Variants in PPP1R36 observed in about 807,000 individuals in gnomAD.
The protein encoded by PPP1R36 is chromosome 14 open reading frame 50.
In PPP1R36, 47 loss-of-function variants were observed where a neutral mutation model predicts 53.4. The observed-to-expected ratio is 0.88, with a 90% CI of 0.70 to 1.12. PPP1R36 has a LOEUF of 1.12. Among genes scored for constraint, PPP1R36 ranks in the 50% most tolerant of loss-of-function variants. The pLI is 0.00. For missense variants in PPP1R36, 456 were observed against 513.9 expected (o/e 0.89, Z 1.09); for synonymous variants, 153 against 170.5 (o/e 0.90, Z 0.80).
At chr14:64,579,450 G>A (rs867267244) in intron 8 of PPP1R36, among the ~76,000 whole-genome samples, 2 of 152,108 alleles carry the variant, frequency 1.3e-5, no homozygotes, top group Non-Finnish European at 2.9e-5. Flanking sequence ...GCTTTTACAG[G>A]TGTTTAGGGC....
intron 8 of PPP1R36, among the ~76,000 whole-genome samples, chr14:64,583,738 C>T (rs1294740564): frequency 2.9e-5 from 4 of 139,384 alleles, no homozygotes; most frequent in Admixed American, 2.3e-4. Flanking sequence ...CGTTTGAACC[C>T]GGGAGGCAGA....
At chr14:64,550,283 G>T (rs1333188080) in intron 1 of PPP1R36, 1 of 1,363,996 alleles carries the variant, frequency 7.3e-7, no homozygotes, top group African/African-American at 1.5e-5. Context: ...GGCTCCCTGC[G>T]CAGGTAGTTA....
At chr14:64,570,768 A>G (rs1005785896) in intron 7 of PPP1R36, among the ~76,000 whole-genome samples, 2 of 152,242 alleles carry the variant, frequency 1.3e-5, no homozygotes, top group African/African-American at 4.8e-5. Context: ...GTGAGAGGAA[A>G]GCAGAAAAGG....
chr14:64,557,324 A>C (rs2080163670), intron 3 of PPP1R36, among the ~76,000 whole-genome samples: 1 of 152,184 alleles, frequency 6.6e-6, no homozygotes, highest in South Asian at 2.1e-4. Flanking sequence ...TAAATATTTC[A>C]GTATGTATCT....
chr14:64,587,167 G>A (rs1043837202), intron 9 of PPP1R36, 27 bp from the exon 10 acceptor site: 8 of 1,564,816 alleles, frequency 5.1e-6, no homozygotes, highest in African/African-American at 1.4e-5. Context: ...GCTAAGGATC[G>A]TGATTCTTGT....
At chr14:64,579,015 C>T (rs956565796) in intron 8 of PPP1R36, among the ~76,000 whole-genome samples, 10 of 152,214 alleles carry the variant, frequency 6.6e-5, no homozygotes, top group Non-Finnish European at 1.3e-4. Context: ...GAGCAGAAAA[C>T]GAAATACTGC....
chr14:64,562,547 A>C (rs1036820441), intron 3 of PPP1R36, among the ~76,000 whole-genome samples: 1 of 152,132 alleles, frequency 6.6e-6, no homozygotes, highest in East Asian at 1.9e-4. Context: ...ATGGCAGAGC[A>C]CTCACTCACA....
At position 64,564,783 on chromosome 14, in the gene PPP1R36, G is replaced by C; in HGVS notation, c.215G>C (p.Gly72Ala). ...FTPAAEVKEK[G>A]KKGKAVHFAE... ...CCTGCAGCAGAAGTCAAGGAAAAAG[G>C]AAAGAAAGGCAAAGCAGTTCACTTT... The change falls in exon 4 of 12, where the codon GGA (glycine) becomes GCA (alanine). Residue 72 changes from glycine to alanine, a missense_variant. Gly to Ala is a moderately conservative substitution (Grantham distance 60). Coordinates refer to ENST00000298705, the MANE Select transcript of PPP1R36 (RefSeq NM_172365.3). The C allele has an allele frequency of 1.2e-6, 2 of 1,610,668 alleles. No individual in the cohort carries two copies. The highest frequency in any genetic ancestry group is 1.7e-6 in the Non-Finnish European group (2 of 1,178,894).
intron 7 of PPP1R36, among the ~76,000 whole-genome samples, chr14:64,571,669 A>AT (rs1371774764): frequency 2.0e-5 from 3 of 152,162 alleles, no homozygotes; most frequent in African/African-American, 7.2e-5. Flanking sequence ...ACCTGACCGT[A>AT]TTGCTGCTCC....
At chr14:64,574,683 T>C in intron 8 of PPP1R36, 94 bp downstream of exon 8, 2 of 1,364,352 alleles carry the variant, frequency 1.5e-6, no homozygotes, top group Non-Finnish European at 2.0e-6. Context: ...CTTGAGAAAA[T>C]GTTCCTTTTT....
chr14:64,587,944 A>G (rs547442870), intron 10 of PPP1R36, among the ~76,000 whole-genome samples, 160 bp from the exon 11 acceptor site: 4 of 151,980 alleles, frequency 2.6e-5, no homozygotes, highest in South Asian at 2.1e-4. Context: ...GGGTCTTGCT[A>G]TGTTGCCCAG....
chr14:64,588,285 C>A lies in PPP1R36; in HGVS notation c.1072C>A (p.Pro358Thr), dbSNP rs753137911. 6.2e-7 allele frequency: 1 copy of A among 1,605,924 alleles called. No homozygotes were observed. The highest frequency in any genetic ancestry group is 8.5e-7 in the Non-Finnish European group (1 of 1,174,558). Residue 358 changes from proline to threonine, a missense_variant, in exon 11 of 12, where the codon CCC becomes ACC. Coordinates refer to ENST00000298705, the MANE Select transcript of PPP1R36 (RefSeq NM_172365.3). ...QKHVGTLDSV[P>T]MPVVGILGEP... ...GCATGTGGGAACTCTGGACTCTGTG[C>A]CCATGCCGGTGTAAGTGGCTTGGCA...
intron 6 of PPP1R36, among the ~76,000 whole-genome samples, chr14:64,567,662 C>CT (rs781134119): frequency 7.3e-5 from 11 of 151,218 alleles, no homozygotes; most frequent in Admixed American, 2.0e-4. Context: ...ATACCAAACT[C>CT]TTTTTTTTTC....
chr14:64,583,950 G>A (rs1596748536), intron 8 of PPP1R36, among the ~76,000 whole-genome samples: 1 of 147,418 alleles, frequency 6.8e-6, no homozygotes, highest in African/African-American at 2.5e-5. Context: ...GCCCAGGCTG[G>A]AGTGCAGTGA....
Position 64,565,429 on chromosome 14 carries a change from C to A in PPP1R36, c.342C>A (p.Gly114=). ...AKAVEKRGQQ[G]TITLDDVKFV... ...CTGTAGAGAAACGAGGTCAACAGGG[C>A]ACCATTACACTGGATGATGTTAAAT... Residue 114 remains glycine (G), a synonymous_variant, in exon 5 of 12, where the codon GGC becomes GGA. Coordinates refer to ENST00000298705, the MANE Select transcript of PPP1R36 (RefSeq NM_172365.3). The A allele has an allele frequency of 6.2e-7, 1 of 1,612,402 alleles. No homozygotes were observed. The highest frequency in any genetic ancestry group is 1.7e-5 in the Admixed American group (1 of 60,008).
chr14:64,563,158 G>A (rs1347269563), intron 3 of PPP1R36, among the ~76,000 whole-genome samples: 2 of 152,088 alleles, frequency 1.3e-5, no homozygotes, highest in African/African-American at 4.8e-5. Context: ...GAGCCACCGT[G>A]CCCGGCCTCA....
At chr14:64,571,745 T>C (rs1230018724) in intron 7 of PPP1R36, among the ~76,000 whole-genome samples, 3 of 152,162 alleles carry the variant, frequency 2.0e-5, no homozygotes, top group Non-Finnish European at 4.4e-5. Flanking sequence ...GGGTAATTTA[T>C]AAAGGAAAGA....
chr14:64,573,580 T>A (rs879315542), intron 7 of PPP1R36, among the ~76,000 whole-genome samples: 37 of 152,080 alleles, frequency 2.4e-4, no homozygotes, highest in Non-Finnish European at 5.1e-4. Flanking sequence ...TAGGACTACC[T>A]GCATATAAAA....
In PPP1R36 at chr14:64,581,395, G is replaced by A. The variant is rs1467973104; in HGVS notation, c.669-5442G>A. 2.0e-5 allele frequency among the ~76,000 whole-genome samples: 3 copies of A among 152,206 alleles called. No individual in the cohort carries two copies. The East Asian group carries it at 5.8e-4, about 29-fold the overall frequency. ...CCCCTTATCTGAGGTCTACATGCCA[G>A]TGGACCCATTTGGTGGGGGTCTGAG... is the stretch of plus-strand genomic sequence containing the variant. On this transcript the variant is annotated intron_variant, in intron 8 of 11. Transcript: ENST00000298705.
Sources: allele counts gnomAD v4.1 joint callset (sites outside exome capture counted in the v4.1 genomes callset), GRCh38; gene constraint gnomAD v4.1.1; transcripts MANE v1.5; gene names NCBI Gene and HGNC (gene_info 2026-07-23, HGNC 2026-07-21).